C7orf33: variants seen among roughly 807,000 people sequenced by gnomAD.
C7orf33 encodes the protein uncharacterized protein C7orf33.
In C7orf33, 15 loss-of-function variants were observed where a neutral mutation model predicts 13.4. That is an observed-to-expected ratio of 1.12 (90% CI 0.75 to 1.72). The LOEUF is 1.72. C7orf33 is among the 40% of genes most tolerant of loss of function. The pLI, the probability that C7orf33 is intolerant of heterozygous loss-of-function variation, is 0.00. For synonymous variants in C7orf33, 73 were observed against 83.2 expected (o/e 0.88, Z 0.67); for missense variants, 187 against 220.3 (o/e 0.85, Z 0.96).
At chr7:148,605,086 G>T (rs745750044) in intron 1 of C7orf33, among the ~76,000 whole-genome samples, 3 of 152,088 alleles carry the variant, frequency 2.0e-5, no homozygotes, top group African/African-American at 4.8e-5. Flanking sequence ...ACAAAAATTA[G>T]TCAGGCATGG....
At chr7:148,606,283 A>C (rs1049692981) in intron 1 of C7orf33, among the ~76,000 whole-genome samples, 1 of 152,246 alleles carries the variant, frequency 6.6e-6, no homozygotes, top group African/African-American at 2.4e-5. Context: ...GAAGGGAACA[A>C]AAATAAATGA....
chr7:148,595,412 C>A (rs13236070), intron 1 of C7orf33, among the ~76,000 whole-genome samples: 2 of 106,730 alleles, frequency 1.9e-5, no homozygotes, highest in African/African-American at 7.2e-5. Context: ...TAATATAGAT[C>A]TATATTATAT....
intron 1 of C7orf33, among the ~76,000 whole-genome samples, chr7:148,595,664 TTATATAGATA>T (rs1474415853): frequency 9.4e-6 from 1 of 106,256 alleles, no homozygotes; most frequent in Non-Finnish European, 1.9e-5. Flanking sequence ...TAGATCTATA[TTATATAGATA>T]TAATATAGAT....
intron 1 of C7orf33, among the ~76,000 whole-genome samples, chr7:148,601,583 G>A (rs1796415248): frequency 6.6e-6 from 1 of 152,140 alleles, no homozygotes; most frequent in Non-Finnish European, 1.5e-5. Context: ...CTGGACTCAA[G>A]CAATCTGCCT....
chr7:148,609,125 A>C (rs1796509297), intron 1 of C7orf33, among the ~76,000 whole-genome samples: 1 of 147,968 alleles, frequency 6.8e-6, no homozygotes. Flanking sequence ...AAAAAAAATC[A>C]GGCCCAATGT....
chr7:148,593,151 A>T (rs59926424), intron 1 of C7orf33, among the ~76,000 whole-genome samples: 9,210 of 152,236 alleles, frequency 0.06, 921 homozygotes, highest in African/African-American at 0.21. Context: ...ACACGATTTA[A>T]ATCTAATTAG....
chr7:148,595,009 A>G (rs75765049), intron 1 of C7orf33, among the ~76,000 whole-genome samples: 3,639 of 152,094 alleles, frequency 0.024, 149 homozygotes, highest in African/African-American at 0.084. Context: ...CTTAAGAAGC[A>G]GAAAGTCCTG....
rs1563125907 is a variant in C7orf33 at position 148,615,830 on chromosome 7, A to C, written c.*429A>C. On this transcript the variant is annotated 3_prime_UTR_variant, in exon 3 of 3. Transcript: ENST00000307003. ...AATATCTGGTATGTCTAAGTAAAACATGCATTCAGTAAAACTCGCGATGAA... is the reference window on the plus strand; with the variant it reads ...AATATCTGGTATGTCTAAGTAAAACCTGCATTCAGTAAAACTCGCGATGAA... The C allele has an allele frequency of 6.3e-6, 1 of 157,510 alleles. No homozygotes were observed. Among genetic ancestry groups the C allele is most frequent in the African/African-American group, 2.4e-5 (1 of 41,600 alleles). The allele number at this position is 157,510 out of a possible 1,614,324, so 9.8% of individuals were successfully genotyped here.
At chr7:148,607,543 A>G (rs774422963) in intron 1 of C7orf33, among the ~76,000 whole-genome samples, 1 of 152,220 alleles carries the variant, frequency 6.6e-6, no homozygotes, top group Non-Finnish European at 1.5e-5. Context: ...TTAGGAGGTC[A>G]GTTTTATGCC....
At chr7:148,611,216 G>T (rs1376823439) in intron 1 of C7orf33, among the ~76,000 whole-genome samples, 1 of 152,120 alleles carries the variant, frequency 6.6e-6, no homozygotes, top group African/African-American at 2.4e-5. Flanking sequence ...CCCTGGTGAG[G>T]GCTCCACCCT....
At chr7:148,598,735 T>G (rs1442854936) in intron 1 of C7orf33, among the ~76,000 whole-genome samples, 2 of 44,298 alleles carry the variant, frequency 4.5e-5, no homozygotes, top group Admixed American at 2.8e-4. Context: ...GATATATATA[T>G]ATATATATAT....
intron 1 of C7orf33, among the ~76,000 whole-genome samples, chr7:148,602,264 T>C (rs1175858948): frequency 1.3e-5 from 2 of 152,098 alleles, no homozygotes; most frequent in Admixed American, 6.6e-5. Flanking sequence ...TTATATTTAA[T>C]ACCAAAATGT....
intron 1 of C7orf33, among the ~76,000 whole-genome samples, chr7:148,611,283 G>A (rs1235858097): frequency 1.3e-5 from 2 of 152,084 alleles, no homozygotes; most frequent in African/African-American, 2.4e-5. Flanking sequence ...ATGACTGAAT[G>A]TTGCATTTTC....
rs1004612385 is a variant in C7orf33, at chr7:148,615,262, A to T, written c.460-65A>T. The T allele has an allele frequency of 1.6e-5, 17 of 1,080,390 alleles. No homozygotes were observed. In the East Asian group the frequency reaches 4.1e-4, roughly 26 times the overall value. 66.9% of individuals were successfully genotyped at this position (1,080,390 alleles called of 1,614,324 possible). A position where few individuals can be genotyped will look rare whatever the true frequency, so the allele number is the denominator to read the frequency against. On this transcript the variant is annotated intron_variant, in intron 2 of 2. Transcript: ENST00000307003. ...CTGAGACAGTGTTTTAAACTGTGCT[A>T]TTGATGTTCTAGGGAAAAGGTAAAT...
chr7:148,605,362 T>C (rs191433520), intron 1 of C7orf33, among the ~76,000 whole-genome samples: 1 of 152,272 alleles, frequency 6.6e-6, no homozygotes, highest in Non-Finnish European at 1.5e-5. Flanking sequence ...CCTTCTATGC[T>C]CAGCTTTGTG....
chr7:148,606,791 T>C (rs1481943981), intron 1 of C7orf33, among the ~76,000 whole-genome samples: 1 of 152,170 alleles, frequency 6.6e-6, no homozygotes, highest in Non-Finnish European at 1.5e-5. Flanking sequence ...TTCGTCACGT[T>C]GGCCAGGCTG....
intron 1 of C7orf33, among the ~76,000 whole-genome samples, chr7:148,611,174 G>A (rs1259714939): frequency 6.6e-6 from 1 of 152,152 alleles, no homozygotes; most frequent in Non-Finnish European, 1.5e-5. Flanking sequence ...TGGGAGTTGG[G>A]CAGGGAAGTG....
chr7:148,601,085 A>T (rs1276802996), intron 1 of C7orf33, among the ~76,000 whole-genome samples: 1 of 151,788 alleles, frequency 6.6e-6, no homozygotes, highest in Non-Finnish European at 1.5e-5. Context: ...TACAGGTGTG[A>T]GCCACCGCGC....
intron 1 of C7orf33, among the ~76,000 whole-genome samples, chr7:148,609,127 G>A (rs1796509356): frequency 1.4e-5 from 2 of 147,402 alleles, no homozygotes. Flanking sequence ...AAAAAATCAG[G>A]CCCAATGTAA....
Sources: allele counts gnomAD v4.1 joint callset (sites outside exome capture counted in the v4.1 genomes callset), GRCh38; gene constraint gnomAD v4.1.1; transcripts MANE v1.5; gene names NCBI Gene and HGNC (gene_info 2026-07-23, HGNC 2026-07-21).